The following WFS1 variants were observed in gnomAD, a reference collection of about 807,000 sequenced individuals.
WFS1 encodes wolframin ER transmembrane glycoprotein, also known as wolframin.
Under a neutral mutation model 68.5 loss-of-function variants are expected in WFS1, and 90 were observed. The observed-to-expected ratio is 1.31, with a 90% CI of 1.11 to 1.56. The LOEUF (loss-of-function observed/expected upper bound fraction) is 1.56. WFS1 is among the 40% of genes most tolerant of loss of function. The pLI is 0.00. For synonymous variants in WFS1, 860 were observed against 540.7 expected (o/e 1.59, Z -8.19); for missense variants, 1,767 against 1,232.6 (o/e 1.43, Z -6.49).
chr4:6,295,117 G>T lies in WFS1; in HGVS notation c.789G>T (p.Leu263=). The T allele has an allele frequency of 5.6e-6, 9 of 1,613,390 alleles. No individual in the cohort carries two copies. The highest frequency in any genetic ancestry group is 7.6e-6 in the Non-Finnish European group (9 of 1,180,032). The change falls in exon 7 of 8, where the codon CTG becomes CTT. Residue 263 remains leucine (L), a synonymous_variant. Transcript: ENST00000226760. ...CCAAGGGCGTCATCCCCAGCAGCCT[G>T]TTCCTGCAGGACGACGAAGATGATG... is the stretch of plus-strand genomic sequence containing the variant. ...KYAKGVIPSS[L]FLQDDEDDDE... is the part of the protein sequence containing the mutation.
Position 6,288,997 on chromosome 4 carries a change from A to G in WFS1, c.326A>G (p.His109Arg), listed in dbSNP as rs752585898. The stretch of plus-strand genomic sequence containing the variant: ...GTGTCTGGCTTGCAGGTGGGGAAGC[A>G]CTACCTGCAGTTGGCCGGCGACACG... The part of the protein sequence containing the change: ...DPKAQTEVGK[H>R]YLQLAGDTDE... Residue 109 changes from histidine to arginine, a missense_variant, in exon 4 of 8, where the codon CAC becomes CGC. By Grantham distance (29) the His-to-Arg change is conservative. Transcript: ENST00000226760. 1.9e-6 allele frequency: 3 copies of G among 1,608,812 alleles called. No individual in the cohort carries two copies. The highest frequency in any genetic ancestry group is 2.5e-6 in the Non-Finnish European group (3 of 1,178,146).
chr4:6,274,107 C>T (rs1221813523), intron 1 of WFS1, among the ~76,000 whole-genome samples: 3 of 151,014 alleles, frequency 2.0e-5, no homozygotes, highest in East Asian at 2.0e-4. Context: ...AGTGCAGTGG[C>T]GCGATCTCGG....
At chr4:6,296,428 C>G (rs1485233522) in intron 7 of WFS1, among the ~76,000 whole-genome samples, 1 of 152,226 alleles carries the variant, frequency 6.6e-6, no homozygotes, top group Non-Finnish European at 1.5e-5. Flanking sequence ...ATGACACCGA[C>G]CGGTCTGCAG....
At chr4:6,274,329 G>T (rs1341115661) in intron 1 of WFS1, among the ~76,000 whole-genome samples, 1 of 151,374 alleles carries the variant, frequency 6.6e-6, no homozygotes, top group Non-Finnish European at 1.5e-5. Context: ...TTACAGGCGT[G>T]AGCCACCGCG....
intron 1 of WFS1, among the ~76,000 whole-genome samples, chr4:6,275,503 T>G (rs1437341184): frequency 6.9e-6 from 1 of 145,024 alleles, no homozygotes; most frequent in Non-Finnish European, 1.5e-5. Context: ...TGGAGCAGGC[T>G]CCCAAGCTTG....
intron 2 of WFS1, 82 bp downstream of exon 2, chr4:6,277,769 GTCCC>G: frequency 1.3e-6 from 2 of 1,485,498 alleles, no homozygotes; most frequent in Non-Finnish European, 9.1e-7. Context: ...CCCCTGGAGG[GTCCC>G]CCCGCCAGGT....
Position 6,302,738 on chromosome 4 carries a change from G to A in WFS1, c.*270G>A. On this transcript the variant is annotated 3_prime_UTR_variant, in exon 8 of 8. Transcript: ENST00000226760. ...CTTTCTGAGTGACATGGGTGTGCCAGGCTAGACTAGGAGGTTCCGGTGTCT... is the reference window on the plus strand; with the variant it reads ...CTTTCTGAGTGACATGGGTGTGCCAAGCTAGACTAGGAGGTTCCGGTGTCT... 1 of 576,422 alleles carries A rather than the reference G, an allele frequency of 1.7e-6. No individual in the cohort carries two copies. The highest frequency in any genetic ancestry group is 3.1e-6 in the Non-Finnish European group (1 of 327,168). 35.7% of individuals were successfully genotyped at this position (576,422 alleles called of 1,614,324 possible).
At chr4:6,299,783 T>G (rs1478265582) in intron 7 of WFS1, among the ~76,000 whole-genome samples, 2 of 124,896 alleles carry the variant, frequency 1.6e-5, no homozygotes, top group South Asian at 3.0e-4. Context: ...TGTGAATGTG[T>G]GTGTAGGGGT....
At chr4:6,274,730 C>A (rs1729943983) in intron 1 of WFS1, among the ~76,000 whole-genome samples, 1 of 152,010 alleles carries the variant, frequency 6.6e-6, no homozygotes. Flanking sequence ...GGGAAGAGGG[C>A]CCTGCAGAAA....
At chr4:6,289,227 G>C (rs1370154396) in intron 4 of WFS1, 96 bp downstream of exon 4, 3 of 1,438,948 alleles carry the variant, frequency 2.1e-6, no homozygotes, top group Non-Finnish European at 9.3e-7. Context: ...CAAACCTAAC[G>C]CTGGTGATGC....
rs554486876 is a variant in WFS1, at chr4:6,289,205, C to T, written c.460+74C>T. ...GTAATGCTGCTTGCTAACTGAACAA[C>T]TAAAATCTTACCAAACCTAACGCTG... On this transcript the variant is annotated intron_variant, in intron 4 of 7. Transcript: ENST00000226760. 2.7e-5 allele frequency: 41 copies of T among 1,508,214 alleles called. No homozygotes were observed. The African/African-American group carries it at 4.6e-4, about 17-fold the overall frequency. The allele number at this position is 1,508,214 out of a possible 1,614,324, so 93.4% of individuals were successfully genotyped here. A position where few individuals can be genotyped will look rare whatever the true frequency, so the allele number is the denominator to read the frequency against.
rs1027695288 is a variant in WFS1, at chr4:6,283,749, C to T, written c.233-3344C>T. On this transcript the variant is annotated intron_variant, in intron 2 of 7. Coordinates refer to ENST00000226760, the MANE Select transcript of WFS1 (RefSeq NM_006005.3). The surrounding 1 kb of genome is among the most constrained non-coding windows in gnomAD (Gnocchi z 5.0). Reference sequence around the variant, plus strand: ...GTGGGGGTGCGGGCCTTCTGTGCAGCGCAGGGGAGGGGGCAGTGCCACCCA... The same window carrying T: ...GTGGGGGTGCGGGCCTTCTGTGCAGTGCAGGGGAGGGGGCAGTGCCACCCA... Among the ~76,000 whole-genome samples, 2 of 152,288 alleles carry T rather than the reference C, an allele frequency of 1.3e-5. No homozygotes were observed. Among genetic ancestry groups the T allele is most frequent in the African/African-American group, 4.8e-5 (2 of 41,546 alleles).
At chr4:6,288,201 A>G (rs1019689957) in intron 3 of WFS1, among the ~76,000 whole-genome samples, 16 of 144,392 alleles carry the variant, frequency 1.1e-4, no homozygotes, top group African/African-American at 4.2e-4. Flanking sequence ...TGAGCAACAG[A>G]GCAAGACTCT....
At chr4:6,273,298 CG>C (rs1404205481) in intron 1 of WFS1, among the ~76,000 whole-genome samples, 5 of 152,198 alleles carry the variant, frequency 3.3e-5, no homozygotes, top group African/African-American at 1.2e-4. Context: ...TGTGTTTGGA[CG>C]GGATAAAAAT....
intron 7 of WFS1, 109 bp downstream of exon 7, chr4:6,295,298 A>G: frequency 1.5e-6 from 2 of 1,372,794 alleles, no homozygotes; most frequent in African/African-American, 1.4e-5. Context: ...GCGCCTAACA[A>G]AGAGTGTCTT....
At chr4:6,296,483 G>A (rs889642593) in intron 7 of WFS1, among the ~76,000 whole-genome samples, 8 of 152,230 alleles carry the variant, frequency 5.3e-5, no homozygotes, top group Admixed American at 2.0e-4. Flanking sequence ...TTGAACCAAG[G>A]GAGCACATGG....
chr4:6,273,180 G>A (rs2109105079), intron 1 of WFS1, among the ~76,000 whole-genome samples: 1 of 152,356 alleles, frequency 6.6e-6, no homozygotes, highest in South Asian at 2.1e-4. Flanking sequence ...GAGCCCTTAG[G>A]GCAGAAGGCC....
intron 2 of WFS1, among the ~76,000 whole-genome samples, chr4:6,278,534 C>G (rs1393465312): frequency 6.6e-6 from 1 of 152,238 alleles, no homozygotes; most frequent in Admixed American, 6.5e-5. Context: ...CTCCTCATGG[C>G]AGTCCTGAGA....
Position 6,299,859 on chromosome 4 carries a change from G to A in WFS1, c.862-798G>A, listed in dbSNP as rs540507097. 5.8e-4 allele frequency among the ~76,000 whole-genome samples: 79 copies of A among 136,648 alleles called. 1 individual carries two copies. Among genetic ancestry groups the A allele is most frequent in the African/African-American group, 1.6e-3 (58 of 35,798 alleles). The allele number at this position is 136,648 out of a possible 152,430, so 89.6% of individuals were successfully genotyped here. On this transcript the variant is annotated intron_variant, in intron 7 of 7. Transcript: ENST00000226760. ...GTATAGGGGTGGGTTGTGTGAATGC[G>A]TGTGTGTAGGGGTGGGCTGCATGTG...
Sources: allele counts gnomAD v4.1 joint callset (sites outside exome capture counted in the v4.1 genomes callset), GRCh38; gene constraint gnomAD v4.1.1; non-coding constraint Gnocchi (gnomAD v3.1); transcripts MANE v1.5; gene names NCBI Gene and HGNC (gene_info 2026-07-23, HGNC 2026-07-21).